The following LMF1 variants were observed in gnomAD, a reference collection of about 807,000 sequenced individuals.
LMF1 encodes lipase maturation factor 1.
LMF1 carries 68 observed loss-of-function variants against 60.6 expected under a neutral mutation model. The ratio of observed to expected loss-of-function variants is 1.12; its 90% CI spans 0.92 to 1.37. The LOEUF is 1.37. Ranked by LOEUF, LMF1 falls within the 40% of genes most tolerant of loss-of-function variation. LMF1 has a pLI of 0.00. For missense variants in LMF1, 948 were observed against 767.2 expected (o/e 1.24, Z -2.78); for synonymous variants, 418 against 324.7 (o/e 1.29, Z -3.09).
chr16:859,303 T>C (rs62639557), intron 10 of LMF1, among the ~76,000 whole-genome samples: 184 of 17,800 alleles, frequency 0.01, 1 homozygote, highest in Non-Finnish European at 0.014. Flanking sequence ...GAGTGGTGTC[T>C]CGGGACGGGT....
rs1567311783 is a variant in LMF1 at position 953,938 on chromosome 16, TCCACACAGACACCCACCCCAAACCAGCC to T, written c.503+391_503+418del. ...CCACCCCAAACCAGCTTCCTACACG[TCCACACAGACACCCACCCCAAACCAGCC>T]TCCTACATGTCCACACAGACACCCC... On this transcript the variant is annotated intron_variant, in intron 2 of 10. Coordinates refer to ENST00000262301, the MANE Select transcript of LMF1 (RefSeq NM_022773.4). Among the ~76,000 whole-genome samples the T allele has an allele frequency of 6.2e-4, 55 of 88,524 alleles. 12 individuals carry two copies. The highest frequency in any genetic ancestry group is 2.5e-3 in the East Asian group (3 of 1,202). 58.1% of individuals were successfully genotyped at this position (88,524 alleles called of 152,430 possible). A position where few individuals can be genotyped will look rare whatever the true frequency, so the allele number is the denominator to read the frequency against.
chr16:873,445 G>C (rs1045789954), intron 6 of LMF1: 2 of 152,312 alleles, frequency 1.3e-5, no homozygotes, highest in South Asian at 2.1e-4. Flanking sequence ...CTGGGCCCAA[G>C]AGACGGAGCA....
Position 854,654 on chromosome 16 carries a change from G to A in LMF1, c.1582C>T (p.His528Tyr), listed in dbSNP as rs1184816146. Residue 528 changes from histidine to tyrosine, a missense_variant, in exon 11 of 11, where the codon CAC becomes TAC. Coordinates refer to ENST00000262301, the MANE Select transcript of LMF1 (RefSeq NM_022773.4). ...ACCCACCACTTGCCCTCGGCGGCGT[G>A]CCTGCCCCCAGGACGGCTGAACTTG... ...RYKFSRPGGRHAAEGKWWVRK... is the reference protein window; with the variant it reads ...RYKFSRPGGRYAAEGKWWVRK... 6.2e-7 allele frequency: 1 copy of A among 1,605,522 alleles called. No homozygotes were observed. The highest frequency in any genetic ancestry group is 8.5e-7 in the Non-Finnish European group (1 of 1,178,280).
Position 920,081 on chromosome 16 carries a change from C to T in LMF1, c.515-9002G>A, listed in dbSNP as rs143766476. On this transcript the variant is annotated intron_variant, in intron 3 of 10. Transcript: ENST00000262301. ...CCCAACACGACATCCACAATGGCCCCAGCCTGTCGGCTCCCAACAGGACAT... is the reference window on the plus strand; with the variant it reads ...CCCAACACGACATCCACAATGGCCCTAGCCTGTCGGCTCCCAACAGGACAT... Among the ~76,000 whole-genome samples, 718 of 152,182 alleles carry T rather than the reference C, an allele frequency of 4.7e-3. 7 individuals carry two copies. The highest frequency in any genetic ancestry group is 0.016 in the African/African-American group (668 of 41,514).
chr16:887,928 C>T (rs780862337), intron 5 of LMF1, among the ~76,000 whole-genome samples: 50 of 152,290 alleles, frequency 3.3e-4, no homozygotes, highest in Admixed American at 9.2e-4. Context: ...GCTCCAGGAG[C>T]GTAGGTGGCC....
At chr16:896,734 C>A (rs74004017) in intron 4 of LMF1, among the ~76,000 whole-genome samples, 2 of 151,964 alleles carry the variant, frequency 1.3e-5, no homozygotes, top group African/African-American at 2.4e-5. Flanking sequence ...CTGCAGAATC[C>A]GAGAGTGGAA....
At chr16:916,415 G>A (rs955624057) in intron 3 of LMF1, among the ~76,000 whole-genome samples, 15 of 152,342 alleles carry the variant, frequency 9.8e-5, no homozygotes, top group African/African-American at 3.6e-4. Flanking sequence ...CCCAGAGAGA[G>A]CTGGGAGCTT....
chr16:864,795 T>C (rs532873034), intron 10 of LMF1, among the ~76,000 whole-genome samples: 17 of 152,032 alleles, frequency 1.1e-4, no homozygotes, highest in Admixed American at 3.3e-4. Context: ...TGGCTAATTG[T>C]TGTATTTTTA....
chr16:854,810 G>A (rs533576711), intron 10 of LMF1, 104 bp from the exon 11 acceptor site: 393 of 1,080,142 alleles, frequency 3.6e-4, no homozygotes, highest in Non-Finnish European at 4.9e-4. Flanking sequence ...GGTCCCCCAC[G>A]GACAGAGGGG....
upstream of LMF1, chr16:970,986 G>C: frequency 6.7e-7 from 1 of 1,487,794 alleles, no homozygotes. Context: ...CGCATGTGCG[G>C]GGAGGGCGCA....
rs149432427 is a variant in LMF1, at chr16:866,267, CAG to C, written c.1529+2675_1529+2676del. Among the ~76,000 whole-genome samples the C allele has an allele frequency of 7.2e-5, 11 of 152,322 alleles. No homozygotes were observed. In the East Asian group the frequency reaches 1.7e-3, roughly 24 times the overall value. Reference sequence around the variant, plus strand: ...TCTTCTGACCTCATGCTGGTAGAGACAGGGGTATTACCTTGCTCCTGCCAGGT... The same window carrying C: ...TCTTCTGACCTCATGCTGGTAGAGACGGGTATTACCTTGCTCCTGCCAGGT... On this transcript the variant is annotated intron_variant, in intron 10 of 10. Transcript: ENST00000262301.
chr16:965,807 T>C (rs117983405), intron 1 of LMF1, among the ~76,000 whole-genome samples: 1,884 of 152,134 alleles, frequency 0.012, 21 homozygotes, highest in Admixed American at 0.02. Context: ...GAAGGGGTAA[T>C]GGCTGGAAAA....
intron 3 of LMF1, among the ~76,000 whole-genome samples, chr16:922,653 C>T (rs2071467798): frequency 7.6e-6 from 1 of 132,102 alleles, no homozygotes; most frequent in Non-Finnish European, 1.6e-5. Flanking sequence ...GTGAAAGTCG[C>T]CTGGGTTTTC....
At chr16:887,896 G>A (rs752930846) in intron 5 of LMF1, among the ~76,000 whole-genome samples, 128 of 152,162 alleles carry the variant, frequency 8.4e-4, no homozygotes, top group Non-Finnish European at 1.3e-3. Context: ...GCAGGCTGCC[G>A]GCCACAGGCT....
chr16:972,306 G>A (rs2073064739), upstream of LMF1, among the ~76,000 whole-genome samples: 1 of 152,244 alleles, frequency 6.6e-6, no homozygotes, highest in African/African-American at 2.4e-5. Flanking sequence ...TGTTAAAGAT[G>A]TTGCAACGGG....
chr16:932,399 C>T (rs1210317982), intron 3 of LMF1, among the ~76,000 whole-genome samples: 2 of 152,230 alleles, frequency 1.3e-5, no homozygotes, highest in South Asian at 2.1e-4. Flanking sequence ...TCACAGCCCC[C>T]GCGGTGCTGA....
chr16:954,059 A>ACCCACTCCAAAC (rs1567312799), intron 2 of LMF1, among the ~76,000 whole-genome samples: 2 of 140,828 alleles, frequency 1.4e-5, no homozygotes, highest in African/African-American at 2.5e-5. Context: ...CCACACAGAC[A>ACCCACTCCAAAC]CAGACCCACT....
intron 3 of LMF1, among the ~76,000 whole-genome samples, chr16:923,347 T>G (rs576538945): frequency 2.6e-5 from 4 of 152,246 alleles, no homozygotes; most frequent in Admixed American, 1.3e-4. Context: ...CGTGGCTTCC[T>G]GAACAGCCAT....
At chr16:940,816 G>A (rs1392732304) in intron 2 of LMF1, among the ~76,000 whole-genome samples, 4 of 152,186 alleles carry the variant, frequency 2.6e-5, no homozygotes, top group South Asian at 2.1e-4. Flanking sequence ...CAAAGTGGCC[G>A]ATAGTGCCGT....
Sources: allele counts gnomAD v4.1 joint callset (sites outside exome capture counted in the v4.1 genomes callset), GRCh38; gene constraint gnomAD v4.1.1; transcripts MANE v1.5; gene names NCBI Gene and HGNC (gene_info 2026-07-23, HGNC 2026-07-21).